PTPRD: variants seen among roughly 807,000 people sequenced by gnomAD.
PTPRD encodes the protein receptor-type tyrosine-protein phosphatase delta.
A neutral mutation model predicts 214.5 loss-of-function variants in PTPRD; 34 were observed. That is an observed-to-expected ratio of 0.16 (90% CI 0.12 to 0.21). PTPRD has a LOEUF of 0.21. Among genes scored for constraint, PTPRD ranks in the 10% least tolerant of loss-of-function variants. The pLI, the probability that PTPRD is intolerant of heterozygous loss-of-function variation, is 1.00. For synonymous variants in PTPRD, 1,128 were observed against 845.7 expected (o/e 1.33, Z -5.79); for missense variants, 2,545 against 2,398.7 (o/e 1.06, Z -1.27).
At chr9:9,570,200 TATC>T (rs1181038010) in intron 8 of PTPRD, among the ~76,000 whole-genome samples, 6 of 151,580 alleles carry the variant, frequency 4.0e-5, no homozygotes, top group African/African-American at 1.4e-4. Context: ...CTAACTGTAT[TATC>T]ATCATTATTA....
intron 14 of PTPRD, among the ~76,000 whole-genome samples, chr9:8,617,965 T>C (rs1260243880): frequency 6.6e-6 from 1 of 152,092 alleles, no homozygotes; most frequent in Non-Finnish European, 1.5e-5. Context: ...TTGAAACTGG[T>C]AGGTTGTCCC....
At chr9:9,571,762 TAATA>T (rs1258243789) in intron 8 of PTPRD, among the ~76,000 whole-genome samples, 1 of 151,102 alleles carries the variant, frequency 6.6e-6, no homozygotes, top group Non-Finnish European at 1.5e-5. Flanking sequence ...TTGCTTATTT[TAATA>T]GATACATTAA....
chr9:10,130,488 G>C (rs2098856598), intron 3 of PTPRD, among the ~76,000 whole-genome samples: 3 of 151,864 alleles, frequency 2.0e-5, no homozygotes. Flanking sequence ...CTTAACTGTG[G>C]GTTTTTTGAG....
intron 11 of PTPRD, among the ~76,000 whole-genome samples, chr9:8,893,555 G>C (rs1311333049): frequency 6.6e-6 from 1 of 152,208 alleles, no homozygotes; most frequent in Non-Finnish European, 1.5e-5. Flanking sequence ...AATTTCAAGT[G>C]TTGGCAAGTG....
intron 3 of PTPRD, among the ~76,000 whole-genome samples, chr9:10,099,046 CAGAAATATG>C (rs1422595123): frequency 6.6e-6 from 1 of 151,780 alleles, no homozygotes; most frequent in Non-Finnish European, 1.5e-5. Flanking sequence ...CGCTCAGTTA[CAGAAATATG>C]TGGTAGCCCT....
At chr9:10,017,675 A>G (rs917069842) in intron 4 of PTPRD, among the ~76,000 whole-genome samples, 6 of 152,106 alleles carry the variant, frequency 3.9e-5, no homozygotes, top group African/African-American at 1.4e-4. Context: ...TAAATAATCC[A>G]TCTTTTCTCT....
intron 10 of PTPRD, among the ~76,000 whole-genome samples, chr9:9,181,581 TCACTA>T (rs2099928246): frequency 6.6e-6 from 1 of 151,972 alleles, no homozygotes; most frequent in African/African-American, 2.4e-5. Context: ...CATTTAATCT[TCACTA>T]CAGCCACCAG....
chr9:9,732,487 A>G (rs1434819208), intron 7 of PTPRD, among the ~76,000 whole-genome samples: 1 of 152,200 alleles, frequency 6.6e-6, no homozygotes, highest in African/African-American at 2.4e-5. Flanking sequence ...TTGGAAATTC[A>G]TACTGACAAT....
intron 10 of PTPRD, among the ~76,000 whole-genome samples, chr9:9,147,632 T>C (rs558144267): frequency 7.9e-5 from 12 of 152,190 alleles, no homozygotes; most frequent in Non-Finnish European, 1.3e-4. Context: ...TGTTTACCTA[T>C]TGTCTATGGA....
intron 2 of PTPRD, among the ~76,000 whole-genome samples, chr9:10,416,837 A>G (rs2098495018): frequency 6.6e-6 from 1 of 151,878 alleles, no homozygotes. Flanking sequence ...TGCTGTTATA[A>G]TAGTGTAGAA....
At chr9:8,967,834 T>C (rs2099208122) in intron 11 of PTPRD, among the ~76,000 whole-genome samples, 1 of 152,048 alleles carries the variant, frequency 6.6e-6, no homozygotes, top group Admixed American at 6.6e-5. Context: ...ACCTGTGCCA[T>C]GTTGGTGTGC....
chr9:9,261,354 C>A (rs762535694), intron 9 of PTPRD, among the ~76,000 whole-genome samples: 3 of 151,694 alleles, frequency 2.0e-5, no homozygotes, highest in African/African-American at 7.3e-5. Flanking sequence ...TCTTTTATTC[C>A]GATTTTAATG....
intron 7 of PTPRD, among the ~76,000 whole-genome samples, chr9:9,713,920 T>C (rs1368747619): frequency 6.6e-6 from 1 of 152,054 alleles, no homozygotes; most frequent in East Asian, 1.9e-4. Flanking sequence ...AAGTGTGAGA[T>C]GCTCTCAAAA....
At chr9:8,906,712 A>G (rs542278098) in intron 11 of PTPRD, among the ~76,000 whole-genome samples, 6 of 151,862 alleles carry the variant, frequency 4.0e-5, no homozygotes, top group Non-Finnish European at 7.4e-5. Context: ...GCTTGTCACT[A>G]AGACAATTCT....
intron 2 of PTPRD, among the ~76,000 whole-genome samples, chr9:10,517,964 T>C (rs78269668): frequency 0.075 from 11,340 of 152,204 alleles, 693 homozygotes; most frequent in African/African-American, 0.16. Flanking sequence ...TTGGAACTTA[T>C]TGAATACGAA....
At chr9:9,123,946 A>T (rs760179954) in intron 10 of PTPRD, among the ~76,000 whole-genome samples, 1 of 152,118 alleles carries the variant, frequency 6.6e-6, no homozygotes, top group Non-Finnish European at 1.5e-5. Flanking sequence ...AGCACACCTC[A>T]GAAAAAGTAA....
intron 5 of PTPRD, among the ~76,000 whole-genome samples, chr9:9,904,619 T>C (rs1566159298): frequency 6.6e-6 from 1 of 151,744 alleles, no homozygotes; most frequent in Non-Finnish European, 1.5e-5. Context: ...ATATCCTGTC[T>C]CAAAAGGATT....
intron 8 of PTPRD, among the ~76,000 whole-genome samples, chr9:9,485,567 G>A (rs368797869): frequency 3.0e-4 from 45 of 152,058 alleles, no homozygotes; most frequent in African/African-American, 1.0e-3. Flanking sequence ...TAGTTGCTTA[G>A]TAGATAATCT....
intron 10 of PTPRD, among the ~76,000 whole-genome samples, chr9:9,087,355 C>G (rs184646054): frequency 1.6e-4 from 24 of 152,048 alleles, no homozygotes; most frequent in African/African-American, 5.6e-4. Flanking sequence ...TATAATTATA[C>G]CTATTACCCA....
Sources: allele counts gnomAD v4.1 joint callset (sites outside exome capture counted in the v4.1 genomes callset), GRCh38; gene constraint gnomAD v4.1.1; transcripts MANE v1.5; gene names NCBI Gene and HGNC (gene_info 2026-07-23, HGNC 2026-07-21).